Variants in PRIM2 observed in about 807,000 individuals in gnomAD.
PRIM2 encodes the protein DNA primase large subunit.
PRIM2 carries 39 observed loss-of-function variants against 67.3 expected under a neutral mutation model. That is an observed-to-expected ratio of 0.58 (90% CI 0.45 to 0.76). PRIM2 has a LOEUF of 0.76. Among genes scored for constraint, PRIM2 ranks in the 30% least tolerant of loss-of-function variants. PRIM2 has a pLI of 0.00. For synonymous variants in PRIM2, 143 were observed against 198.7 expected, an observed-to-expected ratio of 0.72 and a Z score of 2.36; for missense variants, 398 against 598.7, an observed-to-expected ratio of 0.66 and a Z score of 3.50.
At chr6:57,631,975 C>T in intron 12 of PRIM2, among the ~76,000 whole-genome samples, 158 bp from the exon 13 acceptor site, 1 of 152,256 alleles carries the variant, frequency 6.6e-6, no homozygotes, top group Non-Finnish European at 1.5e-5. Flanking sequence ...TCAGAATTAT[C>T]ACAGTGTCCA....
chr6:57,444,680 T>C (rs1772311927), intron 7 of PRIM2, among the ~76,000 whole-genome samples: 1 of 152,220 alleles, frequency 6.6e-6, no homozygotes, highest in African/African-American at 2.4e-5. Flanking sequence ...CATGTTTGTT[T>C]TACAAGGGCA....
chr6:57,579,467 G>A (rs1448456867), intron 10 of PRIM2, among the ~76,000 whole-genome samples: 1 of 152,096 alleles, frequency 6.6e-6, no homozygotes, highest in Admixed American at 6.5e-5. Flanking sequence ...TGTCTGTTAT[G>A]TAGTAATGCT....
intron 10 of PRIM2, among the ~76,000 whole-genome samples, chr6:57,578,568 C>T (rs1294194893): frequency 6.6e-6 from 1 of 151,812 alleles, no homozygotes; most frequent in Non-Finnish European, 1.5e-5. Context: ...ATAATCCAGT[C>T]TTTGTTGTTG....
At chr6:57,559,392 C>CT (rs1220639667) in intron 10 of PRIM2, among the ~76,000 whole-genome samples, 3 of 152,018 alleles carry the variant, frequency 2.0e-5, no homozygotes, top group African/African-American at 7.2e-5. Context: ...TTTTTGCAGT[C>CT]TTTTTTTGGC....
chr6:57,399,850 T>C (rs1770646796), intron 7 of PRIM2, among the ~76,000 whole-genome samples: 1 of 152,178 alleles, frequency 6.6e-6, no homozygotes, highest in Non-Finnish European at 1.5e-5. Flanking sequence ...TTTTGAGAAG[T>C]GTCTGTTCAT....
intron 5 of PRIM2, among the ~76,000 whole-genome samples, chr6:57,376,872 G>C (rs1769781578): frequency 6.6e-6 from 1 of 151,980 alleles, no homozygotes; most frequent in African/African-American, 2.4e-5. Flanking sequence ...AATACAATTA[G>C]TTTTTCTATA....
chr6:57,554,644 AC>A, intron 10 of PRIM2, among the ~76,000 whole-genome samples: 1 of 152,248 alleles, frequency 6.6e-6, no homozygotes, highest in East Asian at 1.9e-4. Context: ...TGTTCTCCCC[AC>A]CCATCTCTTG....
At chr6:57,457,909 C>G (rs1004652916) in intron 7 of PRIM2, among the ~76,000 whole-genome samples, 1 of 152,186 alleles carries the variant, frequency 6.6e-6, no homozygotes, top group Non-Finnish European at 1.5e-5. Context: ...GGAGCTGTTC[C>G]TATTCGGCCA....
chr6:57,461,187 C>T (rs1337916189), intron 7 of PRIM2, among the ~76,000 whole-genome samples: 1 of 152,222 alleles, frequency 6.6e-6, no homozygotes, highest in Non-Finnish European at 1.5e-5. Context: ...GGGCAGCCAG[C>T]AAAACCTATT....
At chr6:57,595,074 C>A (rs1161196241) in intron 10 of PRIM2, among the ~76,000 whole-genome samples, 2 of 152,096 alleles carry the variant, frequency 1.3e-5, no homozygotes, top group Non-Finnish European at 2.9e-5. Context: ...CATTGGCTAC[C>A]CACCAGAATG....
intron 5 of PRIM2, among the ~76,000 whole-genome samples, chr6:57,337,826 A>G (rs1768313836): frequency 6.6e-6 from 1 of 152,226 alleles, no homozygotes; most frequent in African/African-American, 2.4e-5. Flanking sequence ...ACAAATTTAA[A>G]AGGTAGCAGA....
intron 10 of PRIM2, among the ~76,000 whole-genome samples, chr6:57,571,241 A>G (rs1361053451): frequency 1.3e-5 from 2 of 152,160 alleles, no homozygotes; most frequent in African/African-American, 4.8e-5. Flanking sequence ...GAAATGGCAT[A>G]TCTTCTTTAA....
In PRIM2 at chr6:57,427,506, C is replaced by T. The variant is rs1345522985; in HGVS notation, c.693+45338C>T. 3.9e-5 allele frequency among the ~76,000 whole-genome samples: 6 copies of T among 152,176 alleles called. No homozygotes were observed. The South Asian group carries it at 8.3e-4, about 21-fold the overall frequency. On this transcript the variant is annotated intron_variant, in intron 7 of 13. Transcript: ENST00000615550. The stretch of plus-strand genomic sequence containing the variant: ...GCAAATTTTTGTATTTTAGTGAGGA[C>T]GGAGTTTCACCATGTTGGCCAGGCT...
the PRIM2 span, among the ~76,000 whole-genome samples, chr6:57,299,649 G>C: frequency 6.6e-6 from 1 of 152,192 alleles, no homozygotes; most frequent in Non-Finnish European, 1.5e-5. Context: ...AATTGAGCCT[G>C]ATTATTTTGG....
chr6:57,393,217 T>G (rs1770414870), intron 7 of PRIM2, among the ~76,000 whole-genome samples: 1 of 152,126 alleles, frequency 6.6e-6, no homozygotes, highest in East Asian at 1.9e-4. Flanking sequence ...CTTTTAGTTC[T>G]TTAAGGAATC....
At chr6:57,500,110 T>A (rs1178118996) in intron 7 of PRIM2, among the ~76,000 whole-genome samples, 25 of 152,206 alleles carry the variant, frequency 1.6e-4, no homozygotes, top group Non-Finnish European at 3.1e-4. Flanking sequence ...CTCTCCATCT[T>A]CCCCTTCTCT....
At chr6:57,495,179 G>T (rs1773976797) in intron 7 of PRIM2, among the ~76,000 whole-genome samples, 1 of 152,112 alleles carries the variant, frequency 6.6e-6, no homozygotes, top group East Asian at 1.9e-4. Flanking sequence ...TTATGTAATA[G>T]TCTCATTTAT....
At chr6:57,253,484 C>A in the PRIM2 span, among the ~76,000 whole-genome samples, 1 of 152,008 alleles carries the variant, frequency 6.6e-6, no homozygotes, top group Non-Finnish European at 1.5e-5. Flanking sequence ...ACTGGAAAAT[C>A]ATTAGTCCAT....
At position 57,370,190 on chromosome 6, in the gene PRIM2, A is replaced by G. The variant is rs1369252469; in HGVS notation, c.460-9711A>G. Among the ~76,000 whole-genome samples, 5 of 152,188 alleles carry G rather than the reference A, an allele frequency of 3.3e-5. No individual in the cohort carries two copies. In the East Asian group the frequency reaches 7.7e-4, roughly 23 times the overall value. ...GTTTTTACTTGTATTCTTTGTTAGT[A>G]GAAGTAGGAAGCCATTTAATCTTGT... On this transcript the variant is annotated intron_variant, in intron 5 of 13. Coordinates refer to ENST00000615550, the MANE Select transcript of PRIM2 (RefSeq NM_000947.5).
Sources: allele counts gnomAD v4.1 joint callset (sites outside exome capture counted in the v4.1 genomes callset), GRCh38; gene constraint gnomAD v4.1.1; transcripts MANE v1.5; gene names NCBI Gene and HGNC (gene_info 2026-07-23, HGNC 2026-07-21).